Variants in ESPL1 observed in about 807,000 individuals in gnomAD.
ESPL1 encodes separin.
In ESPL1, 50 loss-of-function variants were observed where a neutral mutation model predicts 217.2. That is an observed-to-expected ratio of 0.23 (90% confidence interval 0.18 to 0.29). The LOEUF is 0.29. ESPL1 is among the 10% of genes least tolerant of loss of function. ESPL1 has a pLI of 1.00. For synonymous variants in ESPL1, 994 were observed against 1,081.3 expected, an observed-to-expected ratio of 0.92 and a Z score of 1.58; for missense variants, 1,834 against 2,603.0, an observed-to-expected ratio of 0.70 and a Z score of 6.43.
At position 53,269,155 on chromosome 12, in the gene ESPL1, G is replaced by A; in HGVS notation, c.213G>A (p.Leu71=). The stretch of plus-strand genomic sequence containing the variant: ...CTAAGCTAGCTTGCCCTAGGCATCT[G>A]GGGAGCCTGCTGGAGCTGGCAGAGC... ...LTAKLACPRH[L]GSLLELAELA... is the part of the protein sequence containing the mutation. The change falls in exon 3 of 31, where the codon CTG becomes CTA. Residue 71 remains leucine (L), a synonymous_variant. Transcript: ENST00000257934. This position sits in a 1 kb window ranked among gnomAD's most constrained non-coding sequence, Gnocchi z 6.7. 1 of 1,614,150 alleles carries A rather than the reference G, an allele frequency of 6.2e-7. No homozygotes were observed. The highest frequency in any genetic ancestry group is 8.5e-7 in the Non-Finnish European group (1 of 1,180,028).
rs115894086 is a variant in ESPL1 at position 53,289,534 on chromosome 12, G to A, written c.5053G>A (p.Gly1685Ser). 2.5e-6 allele frequency: 4 copies of A among 1,614,000 alleles called. No homozygotes were observed. The highest frequency in any genetic ancestry group is 4.5e-5 in the East Asian group (2 of 44,888). Residue 1685 changes from glycine (G) to serine (S), a missense_variant, in exon 22 of 31, where the codon GGC becomes AGC. By Grantham distance (56) the Gly-to-Ser change is moderately conservative (BLOSUM62 0). Coordinates refer to ENST00000257934, the MANE Select transcript of ESPL1 (RefSeq NM_012291.5). ...CTTTTCCTTCAGGGCTTTGGAATCT[G>A]GCCACTTCCCCCAGCCTGAAAAGGA... is the stretch of plus-strand genomic sequence containing the variant. Reference protein sequence around the residue: ...RLFSFRALESGHFPQPEKESF... With the variant: ...RLFSFRALESSHFPQPEKESF...
rs1487197855 is a variant in ESPL1 at position 53,293,532 on chromosome 12, T to C, written c.*58T>C. On this transcript the variant is annotated 3_prime_UTR_variant, in exon 31 of 31. Coordinates refer to ENST00000257934, the MANE Select transcript of ESPL1 (RefSeq NM_012291.5). This position sits in a 1 kb window ranked among gnomAD's most constrained non-coding sequence, Gnocchi z 4.2. ...CTCATAACTGTTCTACCTCCAAGGT[T>C]AGATTTAATCCTTAGGATAACTCTT... The C allele has an allele frequency of 5.5e-6, 7 of 1,281,452 alleles. No individual in the cohort carries two copies. Among genetic ancestry groups the C allele is most frequent in the Non-Finnish European group, 7.9e-6 (7 of 882,470 alleles). The allele number at this position is 1,281,452 out of a possible 1,614,324, so 79.4% of individuals were successfully genotyped here. A position where few individuals can be genotyped will look rare whatever the true frequency, so the allele number is the denominator to read the frequency against.
chr12:53,276,878 A>G lies in ESPL1; in HGVS notation c.1940+19A>G, dbSNP rs1565755013. Reference sequence around the variant, plus strand: ...CCAACTGGTAAGGAGTAGTAGCTGCAGAGGCCACTCTTGCTCCTTGCCCTA... The same window carrying G: ...CCAACTGGTAAGGAGTAGTAGCTGCGGAGGCCACTCTTGCTCCTTGCCCTA... On this transcript the variant is annotated intron_variant, in intron 8 of 30. Coordinates refer to ENST00000257934, the MANE Select transcript of ESPL1 (RefSeq NM_012291.5). 6.2e-7 allele frequency: 1 copy of G among 1,611,740 alleles called. No individual in the cohort carries two copies. Among genetic ancestry groups the G allele is most frequent in the Non-Finnish European group, 8.5e-7 (1 of 1,178,790 alleles).
Position 53,270,001 on chromosome 12 carries a change from G to T in ESPL1, c.1059G>T (p.Arg353Ser). 1 of 1,614,174 alleles carries T rather than the reference G, an allele frequency of 6.2e-7. No homozygotes were observed. Among genetic ancestry groups the T allele is most frequent in the Non-Finnish European group, 8.5e-7 (1 of 1,180,030 alleles). Residue 353 changes from arginine to serine, a missense_variant, in exon 3 of 31, where the codon AGG becomes AGT. Arg to Ser is a moderately radical substitution (Grantham distance 110). This residue lies in a region of ESPL1 where 746 missense variants were observed against 1,077.0 expected (regional missense o/e 0.69). Transcript: ENST00000257934. Reference sequence around the variant, plus strand: ...CAGGCCTGGAACGAGGCACCAAGAGGCGCTATAGACTTGATGCCATTCTGA... The same window carrying T: ...CAGGCCTGGAACGAGGCACCAAGAGTCGCTATAGACTTGATGCCATTCTGA... ...FLSGLERGTK[R>S]RYRLDAILSL...
In ESPL1 at chr12:53,291,747, G is replaced by A. The variant is rs778143225; in HGVS notation, c.5578G>A (p.Gly1860Arg). The A allele has an allele frequency of 1.2e-5, 19 of 1,613,838 alleles. No individual in the cohort carries two copies. In the Admixed American group the frequency reaches 2.2e-4, roughly 18 times the overall value. ...TCAGGACATTCAGGCCCTGGCCTACGGGCTGTGCCCAACCCAGCCAGAGCG... is the reference window on the plus strand; with the variant it reads ...TCAGGACATTCAGGCCCTGGCCTACAGGCTGTGCCCAACCCAGCCAGAGCG... ...TPQDIQALAY[G>R]LCPTQPERAQ... Residue 1860 changes from glycine (G) to arginine (R), a missense_variant, in exon 26 of 31, where the codon GGG becomes AGG. Physicochemically the swap from Gly to Arg is moderately radical, Grantham distance 125 (BLOSUM62 -2). This residue lies in a region of ESPL1 where 295 missense variants were observed against 519.8 expected (regional missense o/e 0.57). Coordinates refer to ENST00000257934, the MANE Select transcript of ESPL1 (RefSeq NM_012291.5).
In ESPL1 at chr12:53,275,015, G is replaced by A; in HGVS notation, c.1700+5G>A. The A allele has an allele frequency of 6.6e-7, 1 of 1,520,260 alleles. No homozygotes were observed. Among genetic ancestry groups the A allele is most frequent in the Non-Finnish European group, 8.8e-7 (1 of 1,136,724 alleles). 94.2% of individuals were successfully genotyped at this position (1,520,260 alleles called of 1,614,324 possible). On this transcript the variant is annotated splice_donor_5th_base_variant and intron_variant, in intron 7 of 30. Transcript: ENST00000257934. ...AGACAAGGAGCTACAGCTAAAGTGA[G>A]TTGAGGGCCAGACGCAGTGGCTCAT...
chr12:53,269,365 G>T lies in ESPL1; in HGVS notation c.423G>T (p.Glu141Asp). ...CSREAAPQDY[E>D]AVARGSFSLL... ...GCGAGGCTGCTCCCCAGGACTATGAGGCCGTGGCTCGGGGCAGCTTTTCTC... is the reference window on the plus strand; with the variant it reads ...GCGAGGCTGCTCCCCAGGACTATGATGCCGTGGCTCGGGGCAGCTTTTCTC... The change falls in exon 3 of 31, where the codon GAG becomes GAT. Residue 141 changes from glutamate to aspartate, a missense_variant. Physicochemically the swap from Glu to Asp is conservative, Grantham distance 45. Coordinates refer to ENST00000257934, the MANE Select transcript of ESPL1 (RefSeq NM_012291.5). The surrounding 1 kb of genome is among the most constrained non-coding windows in gnomAD (Gnocchi z 6.7). The T allele has an allele frequency of 6.2e-7, 1 of 1,614,088 alleles. No homozygotes were observed. Among genetic ancestry groups the T allele is most frequent in the Non-Finnish European group, 8.5e-7 (1 of 1,180,034 alleles).
chr12:53,270,709 T>G lies in ESPL1; in HGVS notation c.1280T>G (p.Val427Gly). 1 of 1,614,128 alleles carries G rather than the reference T, an allele frequency of 6.2e-7. No individual in the cohort carries two copies. Among genetic ancestry groups the G allele is most frequent in the Non-Finnish European group, 8.5e-7 (1 of 1,180,004 alleles). Residue 427 changes from valine to glycine, a missense_variant, in exon 5 of 31, where the codon GTG (valine) becomes GGG (glycine). Physicochemically the swap from Val to Gly is moderately radical, Grantham distance 109. This residue lies in a region of ESPL1 where 746 missense variants were observed against 1,077.0 expected (regional missense o/e 0.69). Transcript: ENST00000257934. ...IVDLADLTQL[V>G]DSCKSTVVWM... ...GATTTGGCTGACCTGACCCAACTAG[T>G]GGACAGTTGTAAATCTACCGTTGTC...
intron 11 of ESPL1, among the ~76,000 whole-genome samples, chr12:53,278,393 C>T (rs747436025): frequency 1.3e-5 from 2 of 151,522 alleles, no homozygotes; most frequent in African/African-American, 2.4e-5. Flanking sequence ...AGGAGAATCC[C>T]TTGAGCCAGG....
Position 53,279,032 on chromosome 12 carries a change from C to G in ESPL1, c.2365-700C>G, listed in dbSNP as rs150555591. On this transcript the variant is annotated intron_variant, in intron 11 of 30. Transcript: ENST00000257934. ...TCAGCCTCCTGAGTAGCTGGGACTA[C>G]AGGCGCATACCACCACACCCTGCTA... Among the ~76,000 whole-genome samples, 860 of 152,316 alleles carry G rather than the reference C, an allele frequency of 5.6e-3. 3 individuals are homozygous for G. The highest frequency in any genetic ancestry group is 9.3e-3 in the Non-Finnish European group (634 of 68,030).
At chr12:53,270,856 G>A in intron 5 of ESPL1, 58 bp downstream of exon 5, 1 of 1,596,678 alleles carries the variant, frequency 6.3e-7, no homozygotes. Flanking sequence ...CCATTAGGCA[G>A]GTGAATAGTA....
intron 12 of ESPL1, among the ~76,000 whole-genome samples, chr12:53,280,153 C>G (rs1267825777): frequency 6.6e-6 from 1 of 152,170 alleles, no homozygotes; most frequent in Non-Finnish European, 1.5e-5. Context: ...TGCTTCATTG[C>G]TCATGTAAAG....
intron 16 of ESPL1, 33 bp from the exon 17 acceptor site, chr12:53,284,025 C>T (rs768477393): frequency 2.1e-6 from 3 of 1,458,798 alleles, no homozygotes; most frequent in Admixed American, 3.4e-5. Flanking sequence ...CAAAGGATTC[C>T]TCTGATTGGT....
rs747148602 is a variant in ESPL1, at chr12:53,276,705, C to T, written c.1786C>T (p.Arg596Trp). The change falls in exon 8 of 31, where the codon CGG becomes TGG. Residue 596 changes from arginine (R) to tryptophan (W), a missense_variant. Arg to Trp is a moderately radical substitution (Grantham distance 101). Transcript: ENST00000257934. ...GGAGCTGCAGGCCTACAAGGCGGTG[C>T]GGGCCGACACTGGACAGGAACGCTT... ...REELQAYKAVRADTGQERFNI... is the reference protein window; with the variant it reads ...REELQAYKAVWADTGQERFNI... The T allele has an allele frequency of 7.4e-6, 12 of 1,613,040 alleles. No individual in the cohort carries two copies. The highest frequency in any genetic ancestry group is 1.3e-5 in the African/African-American group (1 of 74,922).
chr12:53,283,941 G>A (rs1313208334), intron 16 of ESPL1, 117 bp from the exon 17 acceptor site: 17 of 752,332 alleles, frequency 2.3e-5, no homozygotes, highest in East Asian at 7.4e-5. Flanking sequence ...GGGAGTGAAT[G>A]CCTTTTGGAG....
chr12:53,291,604 C>T, intron 25 of ESPL1, 86 bp from the exon 26 acceptor site: 3 of 1,404,058 alleles, frequency 2.1e-6, no homozygotes, highest in Non-Finnish European at 2.9e-6. Flanking sequence ...AAAAAGAAAA[C>T]AGGGAAAGGG....
Position 53,274,838 on chromosome 12 carries a change from C to G in ESPL1, c.1528C>G (p.Gln510Glu), listed in dbSNP as rs749721242. 6 of 1,614,028 alleles carry G rather than the reference C, an allele frequency of 3.7e-6. No homozygotes were observed. The South Asian group carries it at 6.6e-5, about 18-fold the overall frequency. ...TCAGTTGCACAGGTGCTTCCGGCTA[C>G]AAGTAGAGAGTTTGAAGAAACTGGG... ...PEKLHRCFRL[Q>E]VESLKKLGKQ... The change falls in exon 7 of 31, where the codon CAA becomes GAA. Residue 510 changes from glutamine to glutamate, a missense_variant. By Grantham distance (29) the Gln-to-Glu change is conservative. This residue lies in a region of ESPL1 where 746 missense variants were observed against 1,077.0 expected (regional missense o/e 0.69). Coordinates refer to ENST00000257934, the MANE Select transcript of ESPL1 (RefSeq NM_012291.5).
intron 6 of ESPL1, among the ~76,000 whole-genome samples, chr12:53,273,547 T>C (rs1315224270): frequency 6.6e-6 from 1 of 150,512 alleles, no homozygotes; most frequent in East Asian, 2.1e-4. Context: ...TCACCTGAGG[T>C]CTGGAGTTTG....
rs1943943777 is a variant in ESPL1, at chr12:53,286,163, T to C, written c.3427T>C (p.Ser1143Pro). Residue 1143 changes from serine (S) to proline (P), a missense_variant, in exon 18 of 31, where the codon TCA (serine) becomes CCA (proline). By Grantham distance (74) the Ser-to-Pro change is moderately conservative. This residue lies in a region of ESPL1 where 681 missense variants were observed against 808.0 expected (regional missense o/e 0.84). Coordinates refer to ENST00000257934, the MANE Select transcript of ESPL1 (RefSeq NM_012291.5). The surrounding 1 kb of genome is among the most constrained non-coding windows in gnomAD (Gnocchi z 5.3). ...PQPIPNFLSH[S>P]PTCDCSLCAS... ...GCCCATACCCAACTTCCTGTCCCAT[T>C]CACCCACCTGTGACTGCTCGCTCTG... 1 of 1,614,088 alleles carries C rather than the reference T, an allele frequency of 6.2e-7. No homozygotes were observed. Among genetic ancestry groups the C allele is most frequent in the Non-Finnish European group, 8.5e-7 (1 of 1,180,046 alleles).
Sources: gnomAD v4.1 joint callset for allele counts (sites outside exome capture counted in the v4.1 genomes callset) on GRCh38, gnomAD v4.1.1 for gene constraint, gnomAD v4.1.1 regional missense constraint, Gnocchi (gnomAD v3.1) non-coding constraint, MANE v1.5 for transcripts, NCBI Gene and HGNC (gene_info 2026-07-23, HGNC 2026-07-21) for gene names.